The following MAMDC4 variants were observed in gnomAD, a reference collection of about 807,000 sequenced individuals.
The protein encoded by MAMDC4 is MAM domain containing 4.
MAMDC4 carries 168 observed loss-of-function variants against 153.3 expected under a neutral mutation model. The observed-to-expected ratio is 1.10, with a 90% CI of 0.97 to 1.25. MAMDC4 has a LOEUF of 1.25. Among genes scored for constraint, MAMDC4 ranks in the 50% most tolerant of loss-of-function variants. MAMDC4 has a pLI of 0.00. For synonymous variants in MAMDC4, 744 were observed against 651.5 expected (o/e 1.14, Z -2.16); for missense variants, 1,701 against 1,542.8 (o/e 1.10, Z -1.72).
Position 136,855,733 on chromosome 9 carries a change from C to T in MAMDC4, c.1473C>T (p.Gly491=). 1 of 1,576,010 alleles carries T rather than the reference C, an allele frequency of 6.3e-7. No individual in the cohort carries two copies. Among genetic ancestry groups the T allele is most frequent in the South Asian group, 1.2e-5 (1 of 85,970 alleles). Residue 491 remains glycine (G), a splice_region_variant and synonymous_variant, in exon 13 of 27, where the codon GGC becomes GGT. Coordinates refer to ENST00000317446, the MANE Select transcript of MAMDC4 (RefSeq NM_206920.3). ...CAGGEDEQAC[G]TTDFESPEAG... is the part of the protein sequence containing the mutation. ...ATTCAGTGCCGGCTGCTGTTCCAGG[C>T]ACCACAGACTTTGAGTCCCCCGAGG...
In MAMDC4 at chr9:136,854,094, C is replaced by T; in HGVS notation, c.670+18C>T. 1 of 1,612,234 alleles carries T rather than the reference C, an allele frequency of 6.2e-7. No individual in the cohort carries two copies. The highest frequency in any genetic ancestry group is 8.5e-7 in the Non-Finnish European group (1 of 1,179,532). On this transcript the variant is annotated intron_variant, in intron 6 of 26. Transcript: ENST00000317446. ...TCTGCCCAGTAAGGCACCGCCTCTT[C>T]CTGTTCCACCCCCGGGAGGGCCCCC...
chr9:136,856,356 T>G (rs751472521), intron 14 of MAMDC4: 1 of 937,882 alleles, frequency 1.1e-6, no homozygotes, highest in South Asian at 1.3e-5. Flanking sequence ...AAGGTCCTTC[T>G]AGGGGCCCGC....
rs1564385129 is a variant in MAMDC4, at chr9:136,853,819, CCCTG to C, written c.498_501del (p.Leu167ProfsTer18). The C allele has an allele frequency of 2.5e-6, 4 of 1,612,324 alleles. No homozygotes were observed. ...GTGGAGCTGACCCATGGCGCAGAGA[CCCTG>C]ACCCTGTGGCAGAGCACAGGGCCCT... On this transcript the variant is annotated frameshift_variant, in exon 5 of 27. Coordinates refer to ENST00000317446, the MANE Select transcript of MAMDC4 (RefSeq NM_206920.3). LOFTEE classifies it high-confidence loss of function.
rs1271835359 is a variant in MAMDC4 at position 136,859,279 on chromosome 9, T to C, written c.3155T>C (p.Leu1052Pro). ...ATTGCCCTGGATGACGTGGAGTATC[T>C]GGCTGGGCAGCATTGCCAGCAGCCT... is the stretch of plus-strand genomic sequence containing the variant. The part of the protein sequence containing the change: ...GPIALDDVEY[L>P]AGQHCQQPAP... The change falls in exon 25 of 27, where the codon CTG (leucine) becomes CCG (proline). Residue 1052 changes from leucine (L) to proline (P), a missense_variant. Physicochemically the swap from Leu to Pro is moderately conservative, Grantham distance 98 (BLOSUM62 -3). Transcript: ENST00000317446. 2.5e-6 allele frequency: 4 copies of C among 1,611,776 alleles called. No homozygotes were observed. The highest frequency in any genetic ancestry group is 3.4e-6 in the Non-Finnish European group (4 of 1,179,456).
chr9:136,856,968 C>T lies in MAMDC4; in HGVS notation c.1899C>T (p.Leu633=). 1.2e-6 allele frequency: 2 copies of T among 1,612,526 alleles called. No individual in the cohort carries two copies. The highest frequency in any genetic ancestry group is 1.3e-5 in the African/African-American group (1 of 75,038). The change falls in exon 16 of 27, where the codon CTC becomes CTT. Residue 633 remains leucine, a synonymous_variant. Transcript: ENST00000317446. ...CCTGGGGCCACAGTGCCCACCTGCT[C>T]TCCAGGCCCCAGGTGCCAGCAGCAC... ...PLAWGHSAHL[L]SRPQVPAAPT...
In MAMDC4 at chr9:136,859,076, C is replaced by T. The variant is rs760055792; in HGVS notation, c.3028C>T (p.Arg1010Trp). The T allele has an allele frequency of 2.4e-5, 38 of 1,556,350 alleles. No individual in the cohort carries two copies. The East Asian group carries it at 6.2e-4, about 25-fold the overall frequency. ...GGCTGTGTGGGGCGCAGGCGGGCAT[C>T]GGCGGCACCAGTGGCTGGAGGCCCA... ...QLAVWGAGGHRRHQWLEAQVE... is the reference protein window; with the variant it reads ...QLAVWGAGGHWRHQWLEAQVE... Residue 1010 changes from arginine to tryptophan, a missense_variant, in exon 24 of 27, where the codon CGG (arginine) becomes TGG (tryptophan). Arg to Trp is a moderately radical substitution (Grantham distance 101). Transcript: ENST00000317446.
intron 23 of MAMDC4, 49 bp downstream of exon 23, chr9:136,858,902 G>A (rs1849047118): frequency 2.5e-6 from 4 of 1,575,888 alleles, no homozygotes; most frequent in Non-Finnish European, 3.4e-6. Flanking sequence ...GGCAGCAGGG[G>A]TCCAGGAGCA....
Position 136,855,337 on chromosome 9 carries a change from G to A in MAMDC4, c.1281G>A (p.Ser427=), listed in dbSNP as rs367651660. ...TGTCTGACCACTGCAGACCAGTCTC[G>A]GGTGAGCCTGCTGACTCTGCCCTAC... ...LILSDHCRPV[S]EVSTLQPLPP... is the part of the protein sequence containing the mutation. Residue 427 remains serine, a splice_region_variant and synonymous_variant, in exon 11 of 27, where the codon TCG becomes TCA. Coordinates refer to ENST00000317446, the MANE Select transcript of MAMDC4 (RefSeq NM_206920.3). The A allele has an allele frequency of 1.1e-5, 18 of 1,604,128 alleles. No homozygotes were observed. The highest frequency in any genetic ancestry group is 4.0e-5 in the African/African-American group (3 of 74,730).
At position 136,857,698 on chromosome 9, in the gene MAMDC4, C is replaced by G. The variant is rs374807439; in HGVS notation, c.2366C>G (p.Pro789Arg). The G allele has an allele frequency of 3.1e-6, 5 of 1,612,552 alleles. No homozygotes were observed. Among genetic ancestry groups the G allele is most frequent in the Non-Finnish European group, 3.4e-6 (4 of 1,179,846 alleles). ...GTGGACACAAGCCCAGACGCACTAC[C>G]CCGGGGCCAGACGGCCTCCCTGACC... ...MVVDTSPDAL[P>R]RGQTASLTSK... Residue 789 changes from proline to arginine, a missense_variant, in exon 19 of 27, where the codon CCC becomes CGC. Coordinates refer to ENST00000317446, the MANE Select transcript of MAMDC4 (RefSeq NM_206920.3).
intron 10 of MAMDC4, 49 bp downstream of exon 10, chr9:136,855,159 G>A: frequency 6.4e-7 from 1 of 1,568,106 alleles, no homozygotes; most frequent in Non-Finnish European, 8.6e-7. Context: ...CTGTGGGCAG[G>A]GGAGGGGAAC....
In MAMDC4 at chr9:136,857,501, C is replaced by T; in HGVS notation, c.2241C>T (p.Gly747=). 1.2e-6 allele frequency: 2 copies of T among 1,610,234 alleles called. No homozygotes were observed. The highest frequency in any genetic ancestry group is 1.6e-4 in the Middle Eastern group (1 of 6,062). ...EDSDCGFSPG[G]QGLWRRQANA... The stretch of plus-strand genomic sequence containing the variant: ...CAGACTGCGGCTTCTCCCCTGGAGG[C>T]CAAGGTCTCTGGAGGCGGCAGGCCA... The change falls in exon 18 of 27, where the codon GGC becomes GGT. Residue 747 remains glycine, a synonymous_variant. Coordinates refer to ENST00000317446, the MANE Select transcript of MAMDC4 (RefSeq NM_206920.3).
At position 136,857,598 on chromosome 9, in the gene MAMDC4, TGGCAGG is replaced by T; in HGVS notation, c.2326+20_2326+25del. The T allele has an allele frequency of 1.9e-6, 3 of 1,612,494 alleles. No individual in the cohort carries two copies. The highest frequency in any genetic ancestry group is 2.2e-5 in the South Asian group (2 of 91,062). On this transcript the variant is annotated intron_variant, in intron 18 of 26. Transcript: ENST00000317446. ...TGAGACAGCCCAAGGTATGGGGGCC[TGGCAGG>T]GGCAGGGATTGAGGGGCTGGCCAGG...
rs371989908 is a variant in MAMDC4, at chr9:136,857,315, G to A, written c.2106+17G>A. On this transcript the variant is annotated intron_variant, in intron 17 of 26. Coordinates refer to ENST00000317446, the MANE Select transcript of MAMDC4 (RefSeq NM_206920.3). ...CAGTACCAGGTGAGGCCTGGCACCC[G>A]GGTGGGAGGACAGGGCAGGGCCCCT... 78 of 1,606,342 alleles carry A rather than the reference G, an allele frequency of 4.9e-5. No individual in the cohort carries two copies. The highest frequency in any genetic ancestry group is 1.6e-4 in the Middle Eastern group (1 of 6,070).
Position 136,858,784 on chromosome 9 carries a change from GAGCCTCTGCCGGCCACCCC to G in MAMDC4, c.2894_2912del (p.Leu965ProfsTer20), listed in dbSNP as rs2131239287. 6.2e-7 allele frequency: 1 copy of G among 1,610,684 alleles called. No homozygotes were observed. The highest frequency in any genetic ancestry group is 1.3e-5 in the African/African-American group (1 of 74,952). The stretch of plus-strand genomic sequence containing the variant: ...GGGCCGGGCCGCCTGGCTGCGCAGC[GAGCCTCTGCCGGCCACCCC>G]AGCCTCCTGCCTCCGCTTCTGGTAC... On this transcript the variant is annotated frameshift_variant, in exon 23 of 27. Transcript: ENST00000317446. LOFTEE classifies it high-confidence loss of function.
intron 25 of MAMDC4, 200 bp downstream of exon 25, chr9:136,859,517 C>T (rs1226859717): frequency 1.6e-6 from 1 of 622,722 alleles, no homozygotes; most frequent in Admixed American, 3.1e-5. Context: ...CTGGGCTGGG[C>T]TGTCCCTGGG....
rs543561796 is a variant in MAMDC4 at position 136,857,471 on chromosome 9, G to A, written c.2211G>A (p.Glu737=). The change falls in exon 18 of 27, where the codon GAG becomes GAA. Residue 737 remains glutamate, a synonymous_variant. Coordinates refer to ENST00000317446, the MANE Select transcript of MAMDC4 (RefSeq NM_206920.3). ...GGGCCCCTAATTACTGCTCCTTTGA[G>A]GACTCAGACTGCGGCTTCTCCCCTG... ...PCWAPNYCSF[E]DSDCGFSPGG... is the part of the protein sequence containing the mutation. 5 of 1,609,236 alleles carry A rather than the reference G, an allele frequency of 3.1e-6. No individual in the cohort carries two copies. The Admixed American group carries it at 5.0e-5, about 16-fold the overall frequency.
rs759517330 is a variant in MAMDC4 at position 136,855,049 on chromosome 9, G to T, written c.1136G>T (p.Gly379Val). The change falls in exon 10 of 27, where the codon GGG (glycine) becomes GTG (valine). Residue 379 changes from glycine (G) to valine (V), a missense_variant. By Grantham distance (109) the Gly-to-Val change is moderately radical. Transcript: ENST00000317446. Reference protein sequence around the residue: ...RAPVLLRRRRGELGTAWVRDR... With the variant: ...RAPVLLRRRRVELGTAWVRDR... ...CCCGTCCTGCTGCGGAGGCGCCGAG[G>T]GGAGCTGGGGACCGCCTGGGTCCGA... is the stretch of plus-strand genomic sequence containing the variant. 131 of 1,606,760 alleles carry T rather than the reference G, an allele frequency of 8.2e-5. No individual in the cohort carries two copies. The highest frequency in any genetic ancestry group is 9.4e-5 in the Non-Finnish European group (111 of 1,177,958).
Position 136,855,531 on chromosome 9 carries a change from T to G in MAMDC4, c.1383T>G (p.His461Gln), listed in dbSNP as rs1366272149. The change falls in exon 12 of 27, where the codon CAT (histidine) becomes CAG (glutamine). Residue 461 changes from histidine to glutamine, a missense_variant. By Grantham distance (24) the His-to-Gln change is conservative. Coordinates refer to ENST00000317446, the MANE Select transcript of MAMDC4 (RefSeq NM_206920.3). ...TCCAGGATTCCTGCAAGCAGGGGCA[T>G]CTTGCCTGCGGGGACCTGTGTGTGC... Reference protein sequence around the residue: ...SRLQDSCKQGHLACGDLCVPP... With the variant: ...SRLQDSCKQGQLACGDLCVPP... The G allele has an allele frequency of 6.3e-7, 1 of 1,592,892 alleles. No homozygotes were observed. Among genetic ancestry groups the G allele is most frequent in the East Asian group, 2.3e-5 (1 of 43,918 alleles).
Position 136,855,727 on chromosome 9 carries a change from TC to T in MAMDC4, c.1472-3del. The T allele has an allele frequency of 6.3e-7, 1 of 1,576,166 alleles. No homozygotes were observed. Among genetic ancestry groups the T allele is most frequent in the South Asian group, 1.2e-5 (1 of 85,988 alleles). On this transcript the variant is annotated splice_polypyrimidine_tract_variant and splice_region_variant and intron_variant, in intron 12 of 26. Transcript: ENST00000317446. ...TCTGCCATTCAGTGCCGGCTGCTGT[TC>T]CAGGCACCACAGACTTTGAGTCCCC...
Sources: gnomAD v4.1 joint callset for allele counts on GRCh38, gnomAD v4.1.1 for gene constraint, MANE v1.5 for transcripts, NCBI Gene and HGNC (gene_info 2026-07-23, HGNC 2026-07-21) for gene names.